FAM13B: variants seen among roughly 807,000 people sequenced by gnomAD.
The protein encoded by FAM13B is family with sequence similarity 13 member B, also known as protein FAM13B.
In FAM13B, 60 loss-of-function variants were observed where a neutral mutation model predicts 117.3. That is an observed-to-expected ratio of 0.51 (90% CI 0.42 to 0.63). The LOEUF (loss-of-function observed/expected upper bound fraction) is 0.63, where lower values mean the gene tolerates loss of function less well. Ranked by LOEUF, FAM13B falls within the 30% of genes least tolerant of loss-of-function variation. The probability of loss-of-function intolerance (pLI) is 0.00; values close to 1 mark genes in which losing one functional copy is unlikely to be tolerated. For missense variants in FAM13B, 972 were observed against 1,091.9 expected (o/e 0.89, Z 1.55); for synonymous variants, 332 against 356.1 (o/e 0.93, Z 0.76).
chr5:138,036,469 C>CA (rs1300917887), upstream of FAM13B: 1 of 456,676 alleles, frequency 2.2e-6, no homozygotes, highest in Non-Finnish European at 4.4e-6. Flanking sequence ...GACACAGGCC[C>CA]ACGGTGCCCC....
chr5:138,026,499 C>A (rs1202172982), intron 1 of FAM13B, among the ~76,000 whole-genome samples: 1 of 151,154 alleles, frequency 6.6e-6, no homozygotes, highest in East Asian at 1.9e-4. Flanking sequence ...TGATGTCATG[C>A]GCCTGCAGTC....
chr5:138,042,760 A>T lies in FAM13B; in HGVS notation c.-203+9118T>A, dbSNP rs181296060. Among the ~76,000 whole-genome samples the T allele has an allele frequency of 1.5e-3, 221 of 152,200 alleles. 1 individual carries two copies. Among genetic ancestry groups the T allele is most frequent in the Non-Finnish European group, 1.1e-3 (78 of 68,020 alleles). On this transcript the variant is annotated intron_variant, in intron 1 of 3. Transcript: ENST00000502471. ...AAATAAGAATGCTCTTATTCTTGATATGAGCTGTGGTGGTTACATGGGTGT... is the reference window on the plus strand; with the variant it reads ...AAATAAGAATGCTCTTATTCTTGATTTGAGCTGTGGTGGTTACATGGGTGT...
At chr5:137,952,516 T>A in intron 17 of FAM13B, 112 bp downstream of exon 17, 1 of 705,824 alleles carries the variant, frequency 1.4e-6, no homozygotes, top group Non-Finnish European at 2.3e-6. Context: ...TTTATTTTTG[T>A]CAAACAGTGC....
At chr5:137,968,415 T>C (rs1217936025) in intron 10 of FAM13B, among the ~76,000 whole-genome samples, 1 of 142,156 alleles carries the variant, frequency 7.0e-6, no homozygotes, top group Non-Finnish European at 1.5e-5. Flanking sequence ...CACTCTAGCC[T>C]GGGCAAGACT....
intron 1 of FAM13B, among the ~76,000 whole-genome samples, chr5:138,026,084 C>A (rs1468091350): frequency 1.3e-5 from 2 of 152,088 alleles, no homozygotes; most frequent in African/African-American, 2.4e-5. Context: ...TTACAATATG[C>A]CAGGCACTAT....
At position 138,018,937 on chromosome 5, in the gene FAM13B, A is replaced by G. The variant is rs1381938253; in HGVS notation, c.157+18T>C. Reference sequence around the variant, plus strand: ...TTATTAAAACAAAAGCTAGCCCTCAAAGTAAGGAAATGTATACCATGTTCC... The same window carrying G: ...TTATTAAAACAAAAGCTAGCCCTCAGAGTAAGGAAATGTATACCATGTTCC... On this transcript the variant is annotated intron_variant, in intron 3 of 23. Transcript: ENST00000689681. 1 of 1,582,362 alleles carries G rather than the reference A, an allele frequency of 6.3e-7. No individual in the cohort carries two copies. The highest frequency in any genetic ancestry group is 8.6e-7 in the Non-Finnish European group (1 of 1,160,976).
Position 138,032,710 on chromosome 5 carries a change from A to T in FAM13B, c.-203+72T>A, listed in dbSNP as rs1790476060. 8.1e-6 allele frequency: 8 copies of T among 985,120 alleles called. No individual in the cohort carries two copies. The South Asian group carries it at 2.8e-4, about 35-fold the overall frequency. The allele number at this position is 985,120 out of a possible 1,614,324, so 61.0% of individuals were successfully genotyped here. On this transcript the variant is annotated intron_variant, in intron 1 of 23. Transcript: ENST00000689681. ...GGGTGGCAGGCGGCGCTGGGGGGCA[A>T]CAGGAGGGGAAGGGCCGCGGCGACC... is the stretch of plus-strand genomic sequence containing the variant.
intron 1 of FAM13B, among the ~76,000 whole-genome samples, chr5:138,038,095 A>G (rs1052300290): frequency 1.3e-5 from 2 of 152,216 alleles, no homozygotes; most frequent in Non-Finnish European, 2.9e-5. Context: ...TCTTGCTTTC[A>G]TATCTGGATT....
rs1200556917 is a variant in FAM13B at position 137,949,111 on chromosome 5, G to A, written c.2004C>T (p.Ser668=). ...TRPRSNTLPK[S]FGSSLDHEDE... is the part of the protein sequence containing the mutation. The stretch of plus-strand genomic sequence containing the variant: ...CTTCATGGTCTAGAGAAGAGCCAAA[G>A]CTTTTTGGAAGTGTGTTACTACGTG... The change falls in exon 18 of 24, where the codon AGC becomes AGT. Residue 668 remains serine (S), a synonymous_variant. Transcript: ENST00000689681. 1 of 1,614,116 alleles carries A rather than the reference G, an allele frequency of 6.2e-7. No individual in the cohort carries two copies.
At chr5:138,013,497 T>A (rs1279825783) in intron 4 of FAM13B, among the ~76,000 whole-genome samples, 2 of 85,734 alleles carry the variant, frequency 2.3e-5, no homozygotes, top group Non-Finnish European at 5.1e-5. Context: ...CAAGACTCCA[T>A]CTCCAAAAAA....
In FAM13B at chr5:138,011,949, T is replaced by C; in HGVS notation, c.371-4A>G. 2.6e-6 allele frequency: 4 copies of C among 1,560,862 alleles called. No individual in the cohort carries two copies. The highest frequency in any genetic ancestry group is 3.5e-6 in the Non-Finnish European group (4 of 1,156,760). Reference sequence around the variant, plus strand: ...AATTCATCTTCATTATTATAATCTATAAAACAATAATAACAGGTTTTTTTC... The same window carrying C: ...AATTCATCTTCATTATTATAATCTACAAAACAATAATAACAGGTTTTTTTC... On this transcript the variant is annotated splice_polypyrimidine_tract_variant and splice_region_variant and intron_variant, in intron 4 of 23. Transcript: ENST00000689681.
intron 7 of FAM13B, among the ~76,000 whole-genome samples, chr5:137,996,090 A>T (rs529048719): frequency 1.2e-4 from 19 of 152,320 alleles, no homozygotes; most frequent in African/African-American, 4.6e-4. Flanking sequence ...AACTGAAGGC[A>T]TATTTTCTCA....
At chr5:138,007,208 C>A (rs1326535519) in intron 6 of FAM13B, 61 bp from the exon 7 acceptor site, 9 of 1,255,532 alleles carry the variant, frequency 7.2e-6, no homozygotes, top group Middle Eastern at 2.0e-4. Flanking sequence ...ACATCTAAGA[C>A]ATACTATTCT....
chr5:138,009,131 CTT>C (rs1370796230), intron 6 of FAM13B, among the ~76,000 whole-genome samples: 3 of 152,172 alleles, frequency 2.0e-5, no homozygotes, highest in African/African-American at 7.2e-5. Context: ...CACAGCAAGA[CTT>C]TGTCTCAAAA....
chr5:137,953,479 A>G lies in FAM13B; in HGVS notation c.1719-14T>C, dbSNP rs929212418. On this transcript the variant is annotated splice_polypyrimidine_tract_variant and intron_variant, in intron 15 of 23. Transcript: ENST00000689681. ...GATCTTCGAATTCTGAATTAAAACA[A>G]AAGGCCAACACTGTTAAATTTTCAA... 7 of 1,612,828 alleles carry G rather than the reference A, an allele frequency of 4.3e-6. No homozygotes were observed. In the African/African-American group the frequency reaches 9.3e-5, roughly 22 times the overall value.
At chr5:137,963,884 T>C (rs1007106457) in intron 10 of FAM13B, among the ~76,000 whole-genome samples, 2 of 152,080 alleles carry the variant, frequency 1.3e-5, no homozygotes, top group Non-Finnish European at 2.9e-5. Flanking sequence ...GGTAGAACAG[T>C]TTCATCCCAA....
At chr5:138,022,723 T>C (rs924742866) in intron 1 of FAM13B, among the ~76,000 whole-genome samples, 2 of 152,148 alleles carry the variant, frequency 1.3e-5, no homozygotes, top group African/African-American at 2.4e-5. Context: ...TGATGTACTA[T>C]AAATGAAAAC....
At chr5:137,962,255 C>T in intron 11 of FAM13B, 150 bp downstream of exon 11, 1 of 640,310 alleles carries the variant, frequency 1.6e-6, no homozygotes, top group Admixed American at 3.0e-5. Context: ...ATTTAATATC[C>T]TTTATGCCTA....
At chr5:137,959,884 T>A in intron 12 of FAM13B, 121 bp from the exon 13 acceptor site, 1 of 886,048 alleles carries the variant, frequency 1.1e-6, no homozygotes, top group South Asian at 1.7e-5. Context: ...TACAGCCAAC[T>A]GTCCCACTCC....
Sources: gnomAD v4.1 joint callset for allele counts (sites outside exome capture counted in the v4.1 genomes callset) on GRCh38, gnomAD v4.1.1 for gene constraint, MANE v1.5 for transcripts, NCBI Gene and HGNC (gene_info 2026-07-23, HGNC 2026-07-21) for gene names.